Variants in EVC2 observed in about 807,000 individuals in gnomAD.
EVC2 encodes the protein EvC ciliary complex subunit 2.
Under a neutral mutation model 149.3 loss-of-function variants are expected in EVC2, and 148 were observed. The ratio of observed to expected loss-of-function variants is 0.99; its 90% CI spans 0.87 to 1.14. EVC2 has a LOEUF of 1.14. Ranked by LOEUF, EVC2 falls within the 50% of genes most tolerant of loss-of-function variation. EVC2 has a pLI of 0.00. For synonymous variants in EVC2, 776 were observed against 649.9 expected, an observed-to-expected ratio of 1.19 and a Z score of -2.95; for missense variants, 1,854 against 1,627.3, an observed-to-expected ratio of 1.14 and a Z score of -2.40.
At chr4:5,580,944 CTGGT>C (rs1196775440) in intron 17 of EVC2, among the ~76,000 whole-genome samples, 1 of 152,130 alleles carries the variant, frequency 6.6e-6, no homozygotes, top group African/African-American at 2.4e-5. Context: ...GTAGTGAGAT[CTGGT>C]TGTTTAAAAC....
Position 5,686,308 on chromosome 4 carries a change from T to G in EVC2, c.707-829A>C, listed in dbSNP as rs1720708704. Reference sequence around the variant, plus strand: ...CCCAGGCTCCAGTGATCCTCCTGCCTCAGCCTCCTGAGTAGCTGGGACTTT... The same window carrying G: ...CCCAGGCTCCAGTGATCCTCCTGCCGCAGCCTCCTGAGTAGCTGGGACTTT... On this transcript the variant is annotated intron_variant, in intron 5 of 21. Coordinates refer to ENST00000344408, the MANE Select transcript of EVC2 (RefSeq NM_147127.5). This position sits in a 1 kb window ranked among gnomAD's most constrained non-coding sequence, Gnocchi z 5.4. Among the ~76,000 whole-genome samples, 2 of 152,162 alleles carry G rather than the reference T, an allele frequency of 1.3e-5. No homozygotes were observed. Among genetic ancestry groups the G allele is most frequent in the South Asian group, 2.1e-4 (1 of 4,830 alleles).
chr4:5,662,335 C>T (rs1444081182), intron 9 of EVC2, among the ~76,000 whole-genome samples: 1 of 151,598 alleles, frequency 6.6e-6, no homozygotes, highest in African/African-American at 2.4e-5. Context: ...GTACAACAAA[C>T]CCCCTGTGAC....
chr4:5,536,555 C>G, the EVC2 span, among the ~76,000 whole-genome samples: 1 of 152,016 alleles, frequency 6.6e-6, no homozygotes, highest in Non-Finnish European at 1.5e-5. Flanking sequence ...GAGGCCAAGG[C>G]GGGCAGATCA....
At chr4:5,623,493 C>T (rs987357469) in intron 13 of EVC2, among the ~76,000 whole-genome samples, 11 of 152,036 alleles carry the variant, frequency 7.2e-5, no homozygotes, top group African/African-American at 2.7e-4. Context: ...GTGTGTACCA[C>T]CACACCCAGA....
intron 16 of EVC2, among the ~76,000 whole-genome samples, chr4:5,606,200 G>A (rs1010605939): frequency 1.3e-5 from 2 of 152,108 alleles, no homozygotes; most frequent in East Asian, 1.9e-4. Flanking sequence ...CTCATGACCC[G>A]GCTCCCACCC....
At chr4:5,589,877 G>A (rs1039534194) in intron 16 of EVC2, among the ~76,000 whole-genome samples, 2 of 152,160 alleles carry the variant, frequency 1.3e-5, no homozygotes, top group African/African-American at 4.8e-5. Flanking sequence ...ACATTGGAGT[G>A]TTTAACAAAT....
At chr4:5,597,529 A>G (rs1163532030) in intron 16 of EVC2, among the ~76,000 whole-genome samples, 1 of 150,782 alleles carries the variant, frequency 6.6e-6, no homozygotes, top group African/African-American at 2.4e-5. Flanking sequence ...CCTTCATGCT[A>G]AAAACTCTCA....
chr4:5,573,680 C>T (rs1237687078), intron 19 of EVC2, among the ~76,000 whole-genome samples: 1 of 152,198 alleles, frequency 6.6e-6, no homozygotes, highest in African/African-American at 2.4e-5. Context: ...TGATAAGCTG[C>T]TGTTTGTGGT....
intron 3 of EVC2, 107 bp downstream of exon 3, chr4:5,694,228 T>C (rs1041167524): frequency 2.1e-5 from 24 of 1,145,838 alleles, no homozygotes; most frequent in Non-Finnish European, 3.0e-5. Context: ...AGAGGAGGAA[T>C]AGGGTTTTTT....
chr4:5,571,707 G>A (rs1185021357), intron 19 of EVC2, among the ~76,000 whole-genome samples: 2 of 152,186 alleles, frequency 1.3e-5, no homozygotes, highest in East Asian at 1.9e-4. Context: ...CTCCAGTCTG[G>A]ATGTGCTGGT....
chr4:5,622,586 C>CGGCCT lies in EVC2; in HGVS notation c.2447_2451dup (p.Val818ArgfsTer3). On this transcript the variant is annotated frameshift_variant, in exon 14 of 22. Coordinates refer to ENST00000344408, the MANE Select transcript of EVC2 (RefSeq NM_147127.5). LOFTEE classifies it high-confidence loss of function. This position sits in a 1 kb window ranked among gnomAD's most constrained non-coding sequence, Gnocchi z 5.8. ...CGCAGCTCTGCCTGCTCCTCTGTCA[C>CGGCCT]GGCCTCAGGAGCGTCATCCTTCAGT... 1 of 1,613,984 alleles carries CGGCCT rather than the reference C, an allele frequency of 6.2e-7. No individual in the cohort carries two copies.
intron 9 of EVC2, among the ~76,000 whole-genome samples, chr4:5,647,688 G>A (rs1577204006): frequency 6.6e-6 from 1 of 152,136 alleles, no homozygotes; most frequent in Non-Finnish European, 1.5e-5. Context: ...CATCTTAAAC[G>A]AAGCCTTATG....
Position 5,706,348 on chromosome 4 carries a change from AG to A in EVC2, c.228+1937del, listed in dbSNP as rs1296505796. On this transcript the variant is annotated intron_variant, in intron 1 of 21. Coordinates refer to ENST00000344408, the MANE Select transcript of EVC2 (RefSeq NM_147127.5). ...TAGATAGATAGATAGATACATAGAT[AG>A]ATAGACACATAGATAGATACATAGA... 2.2e-5 allele frequency among the ~76,000 whole-genome samples: 3 copies of A among 136,540 alleles called. 1 individual carries two copies. Among genetic ancestry groups the A allele is most frequent in the African/African-American group, 8.4e-5 (3 of 35,704 alleles). 89.6% of individuals were successfully genotyped at this position (136,540 alleles called of 152,430 possible). A position where few individuals can be genotyped will look rare whatever the true frequency, so the allele number is the denominator to read the frequency against.
intron 21 of EVC2, among the ~76,000 whole-genome samples, chr4:5,543,417 C>A (rs1472004271): frequency 6.6e-6 from 1 of 152,168 alleles, no homozygotes; most frequent in Non-Finnish European, 1.5e-5. Context: ...AATTTTGAAG[C>A]CCAAAGCATT....
intron 9 of EVC2, among the ~76,000 whole-genome samples, chr4:5,659,704 T>A (rs1457935431): frequency 1.3e-5 from 2 of 152,186 alleles, no homozygotes; most frequent in African/African-American, 4.8e-5. Context: ...TACTCAAGCA[T>A]CAGGACTGGC....
chr4:5,650,858 G>A (rs557915030), intron 9 of EVC2, among the ~76,000 whole-genome samples: 1 of 152,194 alleles, frequency 6.6e-6, no homozygotes, highest in East Asian at 1.9e-4. Context: ...CTGTCCTACT[G>A]TCTCAAAACG....
chr4:5,535,141 T>A, the EVC2 span, among the ~76,000 whole-genome samples: 1 of 152,064 alleles, frequency 6.6e-6, no homozygotes, highest in Non-Finnish European at 1.5e-5. This position sits in a 1 kb window ranked among gnomAD's most constrained non-coding sequence, Gnocchi z 4.7. Context: ...CCCTGGCTGG[T>A]CACCTGCAGT....
intron 9 of EVC2, among the ~76,000 whole-genome samples, chr4:5,651,007 G>C (rs894314131): frequency 1.3e-5 from 2 of 152,128 alleles, no homozygotes; most frequent in African/African-American, 4.8e-5. Flanking sequence ...AAGATGCAGG[G>C]GAAACATGAT....
chr4:5,636,458 AAAC>A lies in EVC2; in HGVS notation c.1470+4053_1470+4055del, dbSNP rs1716896704. On this transcript the variant is annotated intron_variant, in intron 10 of 21. Coordinates refer to ENST00000344408, the MANE Select transcript of EVC2 (RefSeq NM_147127.5). The surrounding 1 kb of genome is among the most constrained non-coding windows in gnomAD (Gnocchi z 4.6). ...TATTTTTTTCTTGTTGTTATTCCCT[AAAC>A]AACATTCCCTAAACTATTTTTTATG... 6.6e-6 allele frequency among the ~76,000 whole-genome samples: 1 copy of A among 152,152 alleles called. No individual in the cohort carries two copies. The highest frequency in any genetic ancestry group is 2.4e-5 in the African/African-American group (1 of 41,440).
Sources: allele counts gnomAD v4.1 joint callset (sites outside exome capture counted in the v4.1 genomes callset), GRCh38; gene constraint gnomAD v4.1.1; non-coding constraint Gnocchi (gnomAD v3.1); transcripts MANE v1.5; gene names NCBI Gene and HGNC (gene_info 2026-07-23, HGNC 2026-07-21).